The following IL18R1 variants were observed in gnomAD, a reference collection of about 807,000 sequenced individuals.
IL18R1 encodes the protein interleukin-18 receptor 1.
Under a neutral mutation model 48.5 loss-of-function variants are expected in IL18R1, and 40 were observed. That is an observed-to-expected ratio of 0.82 (90% CI 0.64 to 1.07). IL18R1 has a LOEUF of 1.07. Among genes scored for constraint, IL18R1 ranks in the 50% least tolerant of loss-of-function variants. The pLI is 0.00. For missense variants in IL18R1, 596 were observed against 633.7 expected (o/e 0.94, Z 0.64); for synonymous variants, 232 against 225.9 (o/e 1.03, Z -0.24).
intron 9 of IL18R1, among the ~76,000 whole-genome samples, chr2:102,392,247 G>GCA (rs1680596603): frequency 2.0e-5 from 3 of 152,290 alleles, no homozygotes; most frequent in African/African-American, 7.2e-5. Flanking sequence ...GCCTGCATGT[G>GCA]CATGTGCGAG....
intron 8 of IL18R1, among the ~76,000 whole-genome samples, chr2:102,388,834 C>T (rs1362236008): frequency 1.3e-5 from 2 of 152,096 alleles, no homozygotes; most frequent in Non-Finnish European, 2.9e-5. Context: ...TGCCTGAATC[C>T]TAAAGATAGT....
chr2:102,381,771 C>T (rs1679935020), intron 6 of IL18R1, 89 bp downstream of exon 6: 1 of 816,740 alleles, frequency 1.2e-6, no homozygotes, highest in African/African-American at 1.7e-5. Flanking sequence ...TATTGAATGA[C>T]ACTGGATACA....
chr2:102,381,983 A>C (rs1305216585), intron 6 of IL18R1, among the ~76,000 whole-genome samples: 2 of 152,118 alleles, frequency 1.3e-5, no homozygotes, highest in African/African-American at 4.8e-5. Context: ...TCTAAATATG[A>C]AAATTTAGGC....
At chr2:102,372,510 T>C (rs901963286) in intron 4 of IL18R1, among the ~76,000 whole-genome samples, 13 of 152,214 alleles carry the variant, frequency 8.5e-5, no homozygotes, top group Non-Finnish European at 1.3e-4. Context: ...GTTCATTTTA[T>C]AAAATTGGAA....
chr2:102,361,923 G>A (rs1268372793), intron 1 of IL18R1, among the ~76,000 whole-genome samples: 2 of 152,076 alleles, frequency 1.3e-5, no homozygotes, highest in African/African-American at 4.8e-5. Context: ...GTAAAGGAGG[G>A]GTCTGGAGTG....
At position 102,396,640 on chromosome 2, in the gene IL18R1, C is replaced by T. The variant is rs1346718183; in HGVS notation, c.1380C>T (p.Leu460=). 1.2e-6 allele frequency: 2 copies of T among 1,612,718 alleles called. No homozygotes were observed. The highest frequency in any genetic ancestry group is 1.7e-6 in the Non-Finnish European group (2 of 1,178,856). ...NEVRYELESG[L]HEALVERKIK... is the part of the protein sequence containing the mutation. The stretch of plus-strand genomic sequence containing the variant: ...TCAGGTATGAACTTGAAAGTGGACT[C>T]CATGAAGCATTGGTGGAAAGAAAAA... The change falls in exon 11 of 11, where the codon CTC becomes CTT. Residue 460 remains leucine (L), a synonymous_variant. Coordinates refer to ENST00000233957, the MANE Select transcript of IL18R1 (RefSeq NM_003855.5).
chr2:102,377,235 C>G (rs1170711580), intron 5 of IL18R1, among the ~76,000 whole-genome samples: 1 of 152,234 alleles, frequency 6.6e-6, no homozygotes, highest in Non-Finnish European at 1.5e-5. Context: ...AGTTTAGTGT[C>G]TTCGGTAAAA....
intron 5 of IL18R1, among the ~76,000 whole-genome samples, chr2:102,378,851 G>A (rs75550843): frequency 0.016 from 2,501 of 152,324 alleles, 68 homozygotes; most frequent in African/African-American, 0.057. Context: ...ATTTGGCAAA[G>A]TTTGCCACGA....
chr2:102,359,548 A>G (rs1482084666), intron 1 of IL18R1, among the ~76,000 whole-genome samples: 1 of 152,242 alleles, frequency 6.6e-6, no homozygotes, highest in East Asian at 1.9e-4. Flanking sequence ...ATGGCTGATA[A>G]TAAGTGATTA....
At position 102,386,986 on chromosome 2, in the gene IL18R1, T is replaced by C. The variant is rs1375517302; in HGVS notation, c.935T>C (p.Ile312Thr). Residue 312 changes from isoleucine to threonine, a missense_variant, in exon 8 of 11, where the codon ATC becomes ACC. By Grantham distance (89) the Ile-to-Thr change is moderately conservative. Transcript: ENST00000233957. ...STGGTDTKSF[I>T]LVRKADMADI... ...GGAGGCACAGACACCAAAAGCTTCATCTTGGTGAGAAAAGGTGAGAAAGAT... is the reference window on the plus strand; with the variant it reads ...GGAGGCACAGACACCAAAAGCTTCACCTTGGTGAGAAAAGGTGAGAAAGAT... 1 of 1,612,968 alleles carries C rather than the reference T, an allele frequency of 6.2e-7. No individual in the cohort carries two copies. The highest frequency in any genetic ancestry group is 8.5e-7 in the Non-Finnish European group (1 of 1,179,744).
rs769062720 is a variant in IL18R1, at chr2:102,381,698, C to G, written c.688+16C>G. 36 of 1,568,890 alleles carry G rather than the reference C, an allele frequency of 2.3e-5. No individual in the cohort carries two copies. The South Asian group carries it at 3.9e-4, about 17-fold the overall frequency. On this transcript the variant is annotated intron_variant, in intron 6 of 10. Transcript: ENST00000233957. ...GTGGAATTAGGTATATTTCAATATA[C>G]ATATATTCTGCATTTATAAGTAGGG...
intron 2 of IL18R1, among the ~76,000 whole-genome samples, chr2:102,364,244 A>G (rs780300358): frequency 2.0e-5 from 3 of 152,242 alleles, no homozygotes; most frequent in Non-Finnish European, 4.4e-5. Context: ...GAAATAAGCC[A>G]ATATCCAACA....
At chr2:102,372,577 ATCAC>A (rs1385643624) in intron 4 of IL18R1, among the ~76,000 whole-genome samples, 3 of 149,250 alleles carry the variant, frequency 2.0e-5, no homozygotes, top group African/African-American at 7.6e-5. Flanking sequence ...GAAAGCAAAA[ATCAC>A]TCATAAATCC....
chr2:102,383,838 G>C lies in IL18R1; in HGVS notation c.689-1040G>C, dbSNP rs75355883. Among the ~76,000 whole-genome samples, 322 of 152,118 alleles carry C rather than the reference G, an allele frequency of 2.1e-3. 1 individual carries two copies. The highest frequency in any genetic ancestry group is 3.8e-3 in the Non-Finnish European group (259 of 68,010). ...TTTTTAAAATAAATTACACTTTGTT[G>C]AAAATGACCATATTTCCATCCACTT... On this transcript the variant is annotated intron_variant, in intron 6 of 10. Transcript: ENST00000233957.
intron 8 of IL18R1, among the ~76,000 whole-genome samples, chr2:102,387,829 A>G (rs1680327254): frequency 6.6e-6 from 1 of 152,112 alleles, no homozygotes; most frequent in Admixed American, 6.5e-5. Flanking sequence ...CATGAGATGG[A>G]GGGACAGAGA....
chr2:102,366,159 C>G (rs928969292), intron 2 of IL18R1, among the ~76,000 whole-genome samples: 1 of 152,162 alleles, frequency 6.6e-6, no homozygotes, highest in African/African-American at 2.4e-5. Context: ...CTACCACATT[C>G]TCAAGCTGTG....
At chr2:102,364,349 G>A (rs754646415) in intron 2 of IL18R1, among the ~76,000 whole-genome samples, 130 of 152,180 alleles carry the variant, frequency 8.5e-4, no homozygotes, top group Non-Finnish European at 1.5e-3. Context: ...ACATTACAAT[G>A]AGAAAAGAAC....
chr2:102,396,320 ACAT>A (rs1680823247), intron 10 of IL18R1, among the ~76,000 whole-genome samples: 1 of 152,176 alleles, frequency 6.6e-6, no homozygotes, highest in African/African-American at 2.4e-5. Flanking sequence ...AAGGTATGGT[ACAT>A]AATAAGTGCT....
chr2:102,359,170 A>G (rs2105021703), intron 1 of IL18R1, among the ~76,000 whole-genome samples: 1 of 152,326 alleles, frequency 6.6e-6, no homozygotes, highest in Non-Finnish European at 1.5e-5. Flanking sequence ...TATTTAATTA[A>G]CAATAGAGAA....
Sources: gnomAD v4.1 joint callset for allele counts (sites outside exome capture counted in the v4.1 genomes callset) on GRCh38, gnomAD v4.1.1 for gene constraint, MANE v1.5 for transcripts, NCBI Gene and HGNC (gene_info 2026-07-23, HGNC 2026-07-21) for gene names.